FRMD3: variants seen among roughly 807,000 people sequenced by gnomAD.
FRMD3 encodes FERM domain-containing protein 3.
In FRMD3, 33 loss-of-function variants were observed where a neutral mutation model predicts 70.2. That is an observed-to-expected ratio of 0.47 (90% CI 0.36 to 0.63). The LOEUF is 0.63. Among genes scored for constraint, FRMD3 ranks in the 20% least tolerant of loss-of-function variants. FRMD3 has a pLI of 0.00. For missense variants in FRMD3, 632 were observed against 711.4 expected, an observed-to-expected ratio of 0.89 and a Z score of 1.27; for synonymous variants, 279 against 255.9, an observed-to-expected ratio of 1.09 and a Z score of -0.86.
At chr9:83,547,203 CATT>C in the FRMD3 span, among the ~76,000 whole-genome samples, 4 of 148,630 alleles carry the variant, frequency 2.7e-5, no homozygotes, top group East Asian at 2.0e-4. Flanking sequence ...CAAAGAAGGT[CATT>C]ATTATTATGT....
the FRMD3 span, among the ~76,000 whole-genome samples, chr9:83,570,916 C>T: frequency 2.0e-5 from 3 of 152,164 alleles, no homozygotes; most frequent in Non-Finnish European, 4.4e-5. Context: ...GAAAGTAGGA[C>T]TGAAAAGACT....
intron 1 of FRMD3, among the ~76,000 whole-genome samples, chr9:83,424,300 C>T (rs78244997): frequency 0.014 from 2,105 of 152,272 alleles, 38 homozygotes; most frequent in African/African-American, 0.048. Flanking sequence ...GAATGTTAGA[C>T]GATACAGAAT....
At chr9:83,298,703 C>G (rs1410140505) in intron 12 of FRMD3, 45 bp downstream of exon 12, 2 of 1,511,388 alleles carry the variant, frequency 1.3e-6, no homozygotes, top group Non-Finnish European at 1.8e-6. Context: ...TTTGGAAAAG[C>G]CAGCTTTTAA....
At chr9:83,545,346 G>GT in the FRMD3 span, among the ~76,000 whole-genome samples, 60 of 117,308 alleles carry the variant, frequency 5.1e-4, no homozygotes, top group Admixed American at 1.2e-3. Flanking sequence ...GAAAAGTGTT[G>GT]TTTTTTTTTG....
At chr9:83,500,217 G>A (rs547552920) in intron 1 of FRMD3, among the ~76,000 whole-genome samples, 4 of 152,118 alleles carry the variant, frequency 2.6e-5, no homozygotes, top group East Asian at 3.9e-4. Context: ...ACCACCAAGA[G>A]TGAACCCTAA....
chr9:83,400,398 A>C (rs117576450), intron 1 of FRMD3, among the ~76,000 whole-genome samples: 1 of 152,212 alleles, frequency 6.6e-6, no homozygotes, highest in African/African-American at 2.4e-5. Flanking sequence ...GAAATAAAAG[A>C]TCTAAATAAA....
intron 4 of FRMD3, among the ~76,000 whole-genome samples, chr9:83,345,711 C>T (rs184536227): frequency 1.7e-3 from 256 of 152,054 alleles, no homozygotes; most frequent in African/African-American, 5.1e-3. Context: ...GAGCCGAGAT[C>T]GCACCACTGC....
chr9:83,511,545 G>T, intron 1 of FRMD3, among the ~76,000 whole-genome samples: 1 of 152,158 alleles, frequency 6.6e-6, no homozygotes, highest in East Asian at 1.9e-4. Flanking sequence ...AAGCACCAAG[G>T]TGCCATTTGG....
At chr9:83,573,104 T>C in the FRMD3 span, among the ~76,000 whole-genome samples, 401 of 152,162 alleles carry the variant, frequency 2.6e-3, no homozygotes, top group African/African-American at 9.2e-3. Flanking sequence ...AGTGGTGAGA[T>C]TGTGGAGGAA....
intron 1 of FRMD3, among the ~76,000 whole-genome samples, chr9:83,419,159 G>A (rs1444598195): frequency 6.6e-6 from 1 of 152,094 alleles, no homozygotes; most frequent in South Asian, 2.1e-4. Context: ...AGGGGGGCCA[G>A]GGGTTAAAAA....
intron 12 of FRMD3, among the ~76,000 whole-genome samples, chr9:83,297,266 G>T (rs1412955333): frequency 3.3e-5 from 5 of 152,130 alleles, no homozygotes; most frequent in Non-Finnish European, 7.4e-5. Flanking sequence ...GCTTCAACCT[G>T]GAAGAATAAA....
At chr9:83,423,724 G>A (rs753146665) in intron 1 of FRMD3, among the ~76,000 whole-genome samples, 4 of 150,012 alleles carry the variant, frequency 2.7e-5, no homozygotes, top group Non-Finnish European at 4.4e-5. Flanking sequence ...AGCCTCCTGC[G>A]TAGCTGGAAT....
chr9:83,431,945 T>C (rs1228027319), intron 1 of FRMD3, among the ~76,000 whole-genome samples: 1 of 152,234 alleles, frequency 6.6e-6, no homozygotes, highest in African/African-American at 2.4e-5. Flanking sequence ...TAGTTCAATG[T>C]GGGACTTGGG....
intron 1 of FRMD3, among the ~76,000 whole-genome samples, chr9:83,446,398 A>G (rs1292873216): frequency 6.6e-6 from 1 of 152,206 alleles, no homozygotes; most frequent in Non-Finnish European, 1.5e-5. Context: ...ATGTAATCCC[A>G]GCACTTTCGG....
intron 8 of FRMD3, among the ~76,000 whole-genome samples, chr9:83,311,491 G>T (rs781635067): frequency 6.6e-6 from 1 of 152,136 alleles, no homozygotes; most frequent in Non-Finnish European, 1.5e-5. Flanking sequence ...GGGTGAGTTT[G>T]CACCCAGGAC....
intron 13 of FRMD3, among the ~76,000 whole-genome samples, chr9:83,278,060 A>T (rs763555206): frequency 2.0e-5 from 3 of 152,226 alleles, no homozygotes; most frequent in Non-Finnish European, 4.4e-5. Flanking sequence ...GGTAGATTGG[A>T]GGAATTACTC....
intron 1 of FRMD3, among the ~76,000 whole-genome samples, chr9:83,447,401 C>T (rs745883753): frequency 6.6e-6 from 1 of 152,208 alleles, no homozygotes; most frequent in African/African-American, 2.4e-5. Flanking sequence ...TCCAGTGTGG[C>T]CCTGTTGGGG....
intron 5 of FRMD3, among the ~76,000 whole-genome samples, chr9:83,342,681 G>A (rs1289939094): frequency 6.8e-6 from 1 of 147,182 alleles, no homozygotes; most frequent in Non-Finnish European, 1.5e-5. Flanking sequence ...ATGGATGGAT[G>A]GATGGATAGA....
intron 13 of FRMD3, among the ~76,000 whole-genome samples, chr9:83,267,584 A>C (rs1833327624): frequency 6.6e-6 from 1 of 152,238 alleles, no homozygotes. Context: ...CAGTAAGATT[A>C]TAACACAAGC....
Sources: allele counts gnomAD v4.1 joint callset (sites outside exome capture counted in the v4.1 genomes callset), GRCh38; gene constraint gnomAD v4.1.1; transcripts MANE v1.5; gene names NCBI Gene and HGNC (gene_info 2026-07-23, HGNC 2026-07-21).